The following ATPAF2 variants were observed in gnomAD, a reference collection of about 807,000 sequenced individuals.
ATPAF2 encodes the protein ATP synthase mitochondrial F1 complex assembly factor 2, also known as ATP12 homolog.
ATPAF2 carries 30 observed loss-of-function variants against 36.6 expected under a neutral mutation model. That is an observed-to-expected ratio of 0.82 (90% CI 0.61 to 1.11). ATPAF2 has a LOEUF of 1.11. Among genes scored for constraint, ATPAF2 ranks in the 50% most tolerant of loss-of-function variants. ATPAF2 has a pLI of 0.00. For missense variants in ATPAF2, 321 were observed against 372.3 expected (o/e 0.86, Z 1.13); for synonymous variants, 140 against 152.6 (o/e 0.92, Z 0.61).
chr17:18,031,718 T>C (rs992736335), intron 1 of ATPAF2, among the ~76,000 whole-genome samples: 1 of 152,108 alleles, frequency 6.6e-6, no homozygotes, highest in Non-Finnish European at 1.5e-5. Context: ...AGGTGGAGCT[T>C]GCAGTGAGCT....
intron 7 of ATPAF2, among the ~76,000 whole-genome samples, chr17:18,019,185 A>ACACACACCCC (rs1313379853): frequency 6.8e-6 from 1 of 146,238 alleles, no homozygotes; most frequent in African/African-American, 2.5e-5. Flanking sequence ...ACACACACAC[A>ACACACACCCC]CCCCACCACC....
intron 7 of ATPAF2, among the ~76,000 whole-genome samples, chr17:18,020,021 T>C (rs9889565): frequency 0.012 from 1,871 of 152,324 alleles, 35 homozygotes; most frequent in African/African-American, 0.041. Flanking sequence ...GCCTCCTTTG[T>C]TATACAAAAA....
chr17:18,016,811 C>T, downstream of ATPAF2: 2 of 506,372 alleles, frequency 3.9e-6, no homozygotes, highest in Non-Finnish European at 7.0e-6. Context: ...TCTTCCCCCA[C>T]CCCTGGAAAA....
rs1024421680 is a variant in ATPAF2, at chr17:18,018,494, C to G, written c.*55G>C. ...CCACAGGCTGGGGAGCCCTGAAGGC[C>G]GGGGGAGCTGTGGCTGCACTGCCTC... On this transcript the variant is annotated 3_prime_UTR_variant, in exon 8 of 8. Transcript: ENST00000474627. The G allele has an allele frequency of 6.2e-7, 1 of 1,607,152 alleles. No homozygotes were observed. The highest frequency in any genetic ancestry group is 1.3e-5 in the African/African-American group (1 of 74,980).
Position 18,038,885 on chromosome 17 carries a change from C to T in ATPAF2, c.129G>A (p.Pro43=), listed in dbSNP as rs574178962. 1 of 1,614,028 alleles carries T rather than the reference C, an allele frequency of 6.2e-7. No homozygotes were observed. The highest frequency in any genetic ancestry group is 2.2e-5 in the East Asian group (1 of 44,870). Residue 43 remains proline (P), a synonymous_variant, in exon 1 of 8, where the codon CCG becomes CCA. Transcript: ENST00000474627. ...AAGAACATGTCATGGTCTTACCTGT[C>T]GGCGGGGCGTAAGCCCGGGCTGGAG... ...IPSPARAYAP[P]TERKRFYQNV...
In ATPAF2 at chr17:18,026,329, C is replaced by T. The variant is rs1568572298; in HGVS notation, c.412G>A (p.Asp138Asn). The part of the protein sequence containing the change: ...IRAAVKFLDT[D>N]TICYRVEEPE... ...CTAAATGTCCATTACCAGATGGTGT[C>T]GGTGTCCAGAAACTTCACGGCTGCC... The change falls in exon 4 of 8, where the codon GAC becomes AAC. Residue 138 changes from aspartate to asparagine, a missense_variant. Physicochemically the swap from Asp to Asn is conservative, Grantham distance 23 (BLOSUM62 1). This residue lies in a region of ATPAF2 where 199 missense variants were observed against 220.6 expected (regional missense o/e 0.90). Coordinates refer to ENST00000474627, the MANE Select transcript of ATPAF2 (RefSeq NM_145691.4). 2 of 1,614,006 alleles carry T rather than the reference C, an allele frequency of 1.2e-6. No individual in the cohort carries two copies. The highest frequency in any genetic ancestry group is 1.7e-5 in the Admixed American group (1 of 60,024).
In ATPAF2 at chr17:18,018,419, A is replaced by T. The variant is rs117739515; in HGVS notation, c.*130T>A. The T allele has an allele frequency of 8.0e-7, 1 of 1,254,954 alleles. No individual in the cohort carries two copies. The highest frequency in any genetic ancestry group is 1.5e-5 in the African/African-American group (1 of 67,858). The allele number at this position is 1,254,954 out of a possible 1,614,324, so 77.7% of individuals were successfully genotyped here. ...ACTAGCGCACTGTGTCTCGGGGGGA[A>T]TCTCAGGGTGACGCTGAGGCCGAGT... is the stretch of plus-strand genomic sequence containing the variant. On this transcript the variant is annotated 3_prime_UTR_variant, in exon 8 of 8. Coordinates refer to ENST00000474627, the MANE Select transcript of ATPAF2 (RefSeq NM_145691.4).
At chr17:18,021,357 G>A (rs1041457456) in intron 6 of ATPAF2, 119 bp from the exon 7 acceptor site, 11 of 795,898 alleles carry the variant, frequency 1.4e-5, no homozygotes, top group African/African-American at 5.1e-5. Context: ...GCCATCCAGC[G>A]ATTGTCCCAC....
rs2044752565 is a variant in ATPAF2, at chr17:18,039,131, A to G, written c.-118T>C. 2.8e-6 allele frequency: 4 copies of G among 1,414,778 alleles called. No individual in the cohort carries two copies. In the East Asian group the frequency reaches 1.0e-4, roughly 35 times the overall value. The allele number at this position is 1,414,778 out of a possible 1,614,324, so 87.6% of individuals were successfully genotyped here. On this transcript the variant is annotated 5_prime_UTR_variant, in exon 1 of 8. Coordinates refer to ENST00000474627, the MANE Select transcript of ATPAF2 (RefSeq NM_145691.4). The surrounding 1 kb of genome is among the most constrained non-coding windows in gnomAD (Gnocchi z 5.3). ...CGGAAACCTCTCAACGCCTCCTCAG[A>G]GCCCTCAACCTCCCTTGGACGCCGC...
intron 5 of ATPAF2, among the ~76,000 whole-genome samples, chr17:18,023,777 T>G (rs1597668426): frequency 6.6e-6 from 1 of 152,330 alleles, no homozygotes; most frequent in East Asian, 1.9e-4. Context: ...TGTGGAAAAC[T>G]GCTATACCAA....
chr17:18,036,417 T>C (rs767316399), intron 1 of ATPAF2, among the ~76,000 whole-genome samples: 6 of 151,734 alleles, frequency 4.0e-5, no homozygotes, highest in African/African-American at 7.3e-5. Flanking sequence ...CTACTGACAA[T>C]ACAAAAAAAT....
At chr17:18,024,555 C>A (rs1597669031) in intron 5 of ATPAF2, 69 bp downstream of exon 5, 3 of 1,346,164 alleles carry the variant, frequency 2.2e-6, no homozygotes, top group East Asian at 4.6e-5. Context: ...CCAGCGTGAC[C>A]CCCTGACCCC....
intron 4 of ATPAF2, 184 bp from the exon 5 acceptor site, chr17:18,024,888 C>T (rs867769823): frequency 4.7e-6 from 3 of 633,936 alleles, no homozygotes; most frequent in Admixed American, 2.3e-5. Context: ...CGCCTGGGAA[C>T]TTGTTAGAAA....
intron 1 of ATPAF2, among the ~76,000 whole-genome samples, chr17:18,030,059 G>A (rs1043332873): frequency 2.6e-5 from 4 of 151,380 alleles, no homozygotes; most frequent in Admixed American, 1.3e-4. Context: ...AGTGGCTCAC[G>A]CCTGTAATCC....
In ATPAF2 at chr17:18,018,385, G is replaced by T; in HGVS notation, c.*164C>A. ...TGGGTTGAAATCAGGCTGACCTCCG[G>T]ACAGCCGTACTAGCGCACTGTGTCT... On this transcript the variant is annotated 3_prime_UTR_variant, in exon 8 of 8. Transcript: ENST00000474627. The T allele has an allele frequency of 2.0e-6, 2 of 981,356 alleles. No homozygotes were observed. Among genetic ancestry groups the T allele is most frequent in the South Asian group, 1.4e-5 (1 of 69,856 alleles). 60.8% of individuals were successfully genotyped at this position (981,356 alleles called of 1,614,324 possible).
intron 3 of ATPAF2, chr17:18,027,983 T>A: frequency 1.8e-6 from 1 of 545,902 alleles, no homozygotes; most frequent in Non-Finnish European, 3.3e-6. Flanking sequence ...TCAATGAAGG[T>A]GACATCTGTC....
Position 18,021,166 on chromosome 17 carries a change from A to G in ATPAF2, c.689T>C (p.Val230Ala). 1 of 1,613,982 alleles carries G rather than the reference A, an allele frequency of 6.2e-7. No homozygotes were observed. Among genetic ancestry groups the G allele is most frequent in the Non-Finnish European group, 8.5e-7 (1 of 1,179,996 alleles). The change falls in exon 7 of 8, where the codon GTG becomes GCG. Residue 230 changes from valine to alanine, a missense_variant. This residue lies in a region of ATPAF2 where 199 missense variants were observed against 220.6 expected (regional missense o/e 0.90). Transcript: ENST00000474627. ...GCGTGACAGCAGCACGGCCTGCTCC[A>G]CTGTCAGGCGCAGGTCAATCAGGCC... The part of the protein sequence containing the change: ...TLGLIDLRLT[V>A]EQAVLLSRLE...
chr17:18,028,349 CCTGTGGT>C lies in ATPAF2; in HGVS notation c.200_206del (p.Asp67GlyfsTer3). On this transcript the variant is annotated frameshift_variant, in exon 3 of 8. Transcript: ENST00000474627. LOFTEE classifies it high-confidence loss of function. ...GCTTGGCTTGGGGAGTTTTCAGCTTCCTGTGGTCCAGGTTTATCTCAAAGCCACCTTG... is the reference window on the plus strand; with the variant it reads ...GCTTGGCTTGGGGAGTTTTCAGCTTCCCAGGTTTATCTCAAAGCCACCTTG... 1 of 1,614,084 alleles carries C rather than the reference CCTGTGGT, an allele frequency of 6.2e-7. No homozygotes were observed. Among genetic ancestry groups the C allele is most frequent in the Non-Finnish European group, 8.5e-7 (1 of 1,180,022 alleles).
chr17:18,024,946 G>A, intron 4 of ATPAF2: 1 of 533,366 alleles, frequency 1.9e-6, no homozygotes, highest in East Asian at 3.4e-5. Context: ...CCTCTGGAGG[G>A]GGGCCCAGCA....
Sources: allele counts gnomAD v4.1 joint callset (sites outside exome capture counted in the v4.1 genomes callset), GRCh38; gene constraint gnomAD v4.1.1; regional missense constraint gnomAD v4.1.1; non-coding constraint Gnocchi (gnomAD v3.1); transcripts MANE v1.5; gene names NCBI Gene and HGNC (gene_info 2026-07-23, HGNC 2026-07-21).